Variants in MAPK10 observed in about 807,000 individuals in gnomAD.
The protein encoded by MAPK10 is JNK3 alpha protein kinase.
Under a neutral mutation model 59.3 loss-of-function variants are expected in MAPK10, and 25 were observed. The observed-to-expected ratio is 0.42, with a 90% CI of 0.31 to 0.59. The LOEUF (loss-of-function observed/expected upper bound fraction) is 0.59, where lower values mean the gene tolerates loss of function less well. Among genes scored for constraint, MAPK10 ranks in the 20% least tolerant of loss-of-function variants. MAPK10 has a pLI of 0.15. For missense variants in MAPK10, 351 were observed against 568.9 expected (o/e 0.62, Z 3.90); for synonymous variants, 190 against 200.5 (o/e 0.95, Z 0.44).
At chr4:86,101,294 G>A (rs1341005928) in intron 7 of MAPK10, 77 bp from the exon 8 acceptor site, 2 of 1,164,946 alleles carry the variant, frequency 1.7e-6, no homozygotes, top group Middle Eastern at 2.0e-4. Context: ...AATCAACATA[G>A]CCATTTTGCA....
intron 2 of MAPK10, among the ~76,000 whole-genome samples, chr4:86,339,876 A>G (rs532897959): frequency 3.9e-5 from 6 of 152,364 alleles, no homozygotes; most frequent in African/African-American, 1.4e-4. Flanking sequence ...TCAATGAGCA[A>G]TTATGCTAAG....
At chr4:86,077,583 C>A (rs2049765101) in intron 9 of MAPK10, among the ~76,000 whole-genome samples, 1 of 152,088 alleles carries the variant, frequency 6.6e-6, no homozygotes, top group African/African-American at 2.4e-5. Context: ...TTTATGTTTT[C>A]TTCTATCATT....
chr4:86,229,784 G>T (rs2091259024), intron 2 of MAPK10, among the ~76,000 whole-genome samples: 1 of 152,084 alleles, frequency 6.6e-6, no homozygotes, highest in African/African-American at 2.4e-5. Context: ...GGCAAGGCAT[G>T]GTGGCTCATG....
chr4:86,179,348 A>AG (rs1401057127), intron 3 of MAPK10, among the ~76,000 whole-genome samples: 3 of 152,178 alleles, frequency 2.0e-5, no homozygotes, highest in Non-Finnish European at 4.4e-5. Flanking sequence ...CACCGATGAA[A>AG]GAAATTAAAA....
At chr4:86,307,249 T>C (rs889242370) in intron 2 of MAPK10, among the ~76,000 whole-genome samples, 2 of 152,200 alleles carry the variant, frequency 1.3e-5, no homozygotes, top group African/African-American at 4.8e-5. Context: ...GGGCTCACAT[T>C]GCACAGTTTC....
chr4:86,313,391 A>G (rs2095710418), intron 2 of MAPK10, among the ~76,000 whole-genome samples: 1 of 152,126 alleles, frequency 6.6e-6, no homozygotes, highest in Non-Finnish European at 1.5e-5. Context: ...GATATATTGA[A>G]CCTTATTAAA....
intron 3 of MAPK10, among the ~76,000 whole-genome samples, chr4:86,187,686 A>G (rs547693802): frequency 3.9e-5 from 6 of 152,258 alleles, no homozygotes; most frequent in African/African-American, 1.4e-4. Context: ...CTTTATAATA[A>G]AACTTGAAAA....
At chr4:86,547,174 C>CT (rs1290641125) in intron 1 of MAPK10, among the ~76,000 whole-genome samples, 4 of 152,264 alleles carry the variant, frequency 2.6e-5, no homozygotes, top group African/African-American at 9.6e-5. Context: ...TCTCACAGCC[C>CT]TCGCTTCCTC....
At chr4:86,354,080 CTCTTA>C (rs1733123477) in intron 2 of MAPK10, among the ~76,000 whole-genome samples, 1 of 152,014 alleles carries the variant, frequency 6.6e-6, no homozygotes, top group South Asian at 2.1e-4. Flanking sequence ...GATTTCTCTT[CTCTTA>C]TTTCAGAAGA....
At chr4:86,206,048 T>G (rs889855370) in intron 2 of MAPK10, among the ~76,000 whole-genome samples, 1 of 152,036 alleles carries the variant, frequency 6.6e-6, no homozygotes, top group Admixed American at 6.6e-5. Flanking sequence ...TTTAATTTAA[T>G]TTTATTATTA....
intron 2 of MAPK10, among the ~76,000 whole-genome samples, chr4:86,331,419 T>C (rs1313702045): frequency 1.3e-5 from 2 of 152,164 alleles, no homozygotes; most frequent in Non-Finnish European, 2.9e-5. Flanking sequence ...TCAAACATGA[T>C]ATATAGCCAT....
chr4:86,504,400 C>T (rs1017601236), intron 1 of MAPK10, among the ~76,000 whole-genome samples: 27 of 152,108 alleles, frequency 1.8e-4, no homozygotes, highest in Admixed American at 1.4e-3. Flanking sequence ...CACATCCTTC[C>T]GATTATTGTC....
intron 1 of MAPK10, among the ~76,000 whole-genome samples, chr4:86,412,532 T>A (rs184520660): frequency 5.9e-5 from 9 of 152,340 alleles, no homozygotes; most frequent in Admixed American, 2.0e-4. Context: ...CACTTTCTGG[T>A]ACACCAATCA....
At chr4:86,507,364 A>C (rs1323669159) in intron 1 of MAPK10, among the ~76,000 whole-genome samples, 1 of 151,574 alleles carries the variant, frequency 6.6e-6, no homozygotes, top group African/African-American at 2.4e-5. Context: ...GTGTAGACAG[A>C]GTAGTGCGGA....
chr4:86,167,226 T>C (rs965088845), intron 3 of MAPK10, among the ~76,000 whole-genome samples: 1 of 152,110 alleles, frequency 6.6e-6, no homozygotes, highest in African/African-American at 2.4e-5. Context: ...CAGTAATAAA[T>C]AGCCTACCAA....
chr4:86,160,852 T>C (rs528361056), intron 3 of MAPK10, among the ~76,000 whole-genome samples: 2 of 152,190 alleles, frequency 1.3e-5, no homozygotes, highest in African/African-American at 2.4e-5. Flanking sequence ...TCTGGATTGA[T>C]AATAAAACTA....
At chr4:86,146,475 TG>T (rs1359622946) in intron 4 of MAPK10, among the ~76,000 whole-genome samples, 2 of 152,176 alleles carry the variant, frequency 1.3e-5, no homozygotes, top group Non-Finnish European at 2.9e-5. Context: ...TTCCTTTTCT[TG>T]GGCACACAGC....
intron 2 of MAPK10, among the ~76,000 whole-genome samples, chr4:86,240,952 G>A (rs1197812170): frequency 6.6e-6 from 1 of 152,126 alleles, no homozygotes; most frequent in African/African-American, 2.4e-5. Context: ...ATATTTTGGT[G>A]TGTTTTTGCA....
chr4:86,508,380 G>T (rs934758096), intron 1 of MAPK10, among the ~76,000 whole-genome samples: 4 of 152,018 alleles, frequency 2.6e-5, no homozygotes, highest in Non-Finnish European at 4.4e-5. Flanking sequence ...TGGTTATAAG[G>T]CCACCTTAAA....
Sources: allele counts gnomAD v4.1 joint callset (sites outside exome capture counted in the v4.1 genomes callset), GRCh38; gene constraint gnomAD v4.1.1; transcripts MANE v1.5; gene names NCBI Gene and HGNC (gene_info 2026-07-23, HGNC 2026-07-21).